GPR180: variants seen among roughly 807,000 people sequenced by gnomAD.
The protein encoded by GPR180 is integral membrane protein GPR180.
A neutral mutation model predicts 52.6 loss-of-function variants in GPR180; 53 were observed. The ratio of observed to expected loss-of-function variants is 1.01; its 90% CI spans 0.81 to 1.27. The LOEUF (loss-of-function observed/expected upper bound fraction) is 1.27. Among genes scored for constraint, GPR180 ranks in the 50% most tolerant of loss-of-function variants. GPR180 has a pLI of 0.00. For missense variants in GPR180, 533 were observed against 527.0 expected, an observed-to-expected ratio of 1.01 and a Z score of -0.11; for synonymous variants, 200 against 193.1, an observed-to-expected ratio of 1.04 and a Z score of -0.30.
chr13:94,622,993 G>T, intron 6 of GPR180, 116 bp from the exon 7 acceptor site: 1 of 699,576 alleles, frequency 1.4e-6, no homozygotes, highest in East Asian at 2.7e-5. Context: ...CAACCTCTAT[G>T]GTCTGATAGG....
Position 94,601,945 on chromosome 13 carries a change from G to A in GPR180, c.18G>A (p.Leu6=), listed in dbSNP as rs767893750. The A allele has an allele frequency of 2.0e-6, 3 of 1,496,138 alleles. No individual in the cohort carries two copies. The highest frequency in any genetic ancestry group is 2.2e-5 in the Admixed American group (1 of 45,658). 92.7% of individuals were successfully genotyped at this position (1,496,138 alleles called of 1,614,324 possible). Residue 6 remains leucine (L), a synonymous_variant, in exon 1 of 9, where the codon CTG becomes CTA. Coordinates refer to ENST00000376958, the MANE Select transcript of GPR180 (RefSeq NM_180989.6). The part of the protein sequence containing the change: MGGLR[L]LAVALTCCWW... ...AGACGGGCATGGGGGGGCTGCGGCT[G>A]CTGGCTGTGGCCCTCACGTGCTGCT...
chr13:94,618,364 TA>T (rs1462416123), intron 3 of GPR180, among the ~76,000 whole-genome samples: 1 of 151,444 alleles, frequency 6.6e-6, no homozygotes, highest in Non-Finnish European at 1.5e-5. Context: ...GCCATTTGGT[TA>T]GGTGTTAGAC....
At position 94,601,871 on chromosome 13, in the gene GPR180, G is replaced by T. The variant is rs1889555646; in HGVS notation, c.-57G>T. 1.5e-6 allele frequency: 2 copies of T among 1,333,258 alleles called. No individual in the cohort carries two copies. Among genetic ancestry groups the T allele is most frequent in the African/African-American group, 3.1e-5 (2 of 65,116 alleles). 82.6% of individuals were successfully genotyped at this position (1,333,258 alleles called of 1,614,324 possible). A position where few individuals can be genotyped will look rare whatever the true frequency, so the allele number is the denominator to read the frequency against. ...CCGCCTCCCCCAGCTGCCGACGTGG[G>T]GCGGGCAGCCGCCGGCGGCTGGGAG... On this transcript the variant is annotated 5_prime_UTR_variant, in exon 1 of 9. Coordinates refer to ENST00000376958, the MANE Select transcript of GPR180 (RefSeq NM_180989.6).
At chr13:94,626,123 C>T (rs1271371823) in intron 8 of GPR180, 80 bp downstream of exon 8, 10 of 888,772 alleles carry the variant, frequency 1.1e-5, no homozygotes, top group Middle Eastern at 2.8e-4. Context: ...TAGGAGGGAC[C>T]TATTTATTTT....
At chr13:94,624,266 G>A (rs988168899) in intron 7 of GPR180, among the ~76,000 whole-genome samples, 6 of 129,222 alleles carry the variant, frequency 4.6e-5, no homozygotes, top group South Asian at 2.2e-4. Context: ...TTAGCCCTGC[G>A]AACCAGCATT....
intron 3 of GPR180, among the ~76,000 whole-genome samples, chr13:94,615,518 A>G (rs994364991): frequency 6.6e-6 from 1 of 152,222 alleles, no homozygotes; most frequent in Admixed American, 6.5e-5. Context: ...TTAATCCTCT[A>G]TTTTACAGAG....
At chr13:94,608,069 C>CT (rs1410996679) in intron 2 of GPR180, among the ~76,000 whole-genome samples, 1 of 152,162 alleles carries the variant, frequency 6.6e-6, no homozygotes, top group Non-Finnish European at 1.5e-5. Flanking sequence ...TATTTATATA[C>CT]TTTATACACT....
chr13:94,633,246 T>C lies in GPR180; in HGVS notation c.*6075T>C. ...AGTTTCTGAAGTGAGGGCAGTCATA[T>C]GGAGGACTGGGCCCTTAATCTGTGA... On this transcript the variant is annotated 3_prime_UTR_variant, in exon 9 of 9. Transcript: ENST00000376958. 6.6e-6 allele frequency: 1 copy of C among 152,180 alleles called. No individual in the cohort carries two copies. The highest frequency in any genetic ancestry group is 1.9e-4 in the East Asian group (1 of 5,170). 9.4% of individuals were successfully genotyped at this position (152,180 alleles called of 1,614,324 possible).
intron 3 of GPR180, among the ~76,000 whole-genome samples, chr13:94,614,752 A>C (rs1889755078): frequency 6.6e-6 from 1 of 152,168 alleles, no homozygotes; most frequent in Admixed American, 6.5e-5. Flanking sequence ...TCTTTCTTAT[A>C]CTACAATGGG....
At position 94,632,981 on chromosome 13, in the gene GPR180, CT is replaced by C. The variant is rs1221895080; in HGVS notation, c.*5811del. The stretch of plus-strand genomic sequence containing the variant: ...TGTGTTCTAGGAGGGTGACATGTCC[CT>C]GAGGGCACAGAAACTTTGTGTTTGG... On this transcript the variant is annotated 3_prime_UTR_variant, in exon 9 of 9. Coordinates refer to ENST00000376958, the MANE Select transcript of GPR180 (RefSeq NM_180989.6). The C allele has an allele frequency of 3.2e-4, 49 of 152,178 alleles. No individual in the cohort carries two copies. The highest frequency in any genetic ancestry group is 1.0e-3 in the African/African-American group (43 of 41,420). The allele number at this position is 152,178 out of a possible 1,614,324, so 9.4% of individuals were successfully genotyped here. A position where few individuals can be genotyped will look rare whatever the true frequency, so the allele number is the denominator to read the frequency against.
Position 94,620,849 on chromosome 13 carries a change from T to C in GPR180, c.737-229T>C, listed in dbSNP as rs570431123. Among the ~76,000 whole-genome samples the C allele has an allele frequency of 5.9e-5, 9 of 152,312 alleles. No individual in the cohort carries two copies. The South Asian group carries it at 1.9e-3, about 32-fold the overall frequency. Reference sequence around the variant, plus strand: ...CATATATATGTATTTTTAAATAGTATTGCTGCTGTTTTAACTATTTTAATA... The same window carrying C: ...CATATATATGTATTTTTAAATAGTACTGCTGCTGTTTTAACTATTTTAATA... On this transcript the variant is annotated intron_variant, in intron 5 of 8. Coordinates refer to ENST00000376958, the MANE Select transcript of GPR180 (RefSeq NM_180989.6).
In GPR180 at chr13:94,625,977, G is replaced by A; in HGVS notation, c.1098G>A (p.Leu366=). 1 of 1,611,372 alleles carries A rather than the reference G, an allele frequency of 6.2e-7. No individual in the cohort carries two copies. Among genetic ancestry groups the A allele is most frequent in the Non-Finnish European group, 8.5e-7 (1 of 1,178,286 alleles). Residue 366 remains leucine (L), a synonymous_variant, in exon 8 of 9, where the codon TTG becomes TTA. Coordinates refer to ENST00000376958, the MANE Select transcript of GPR180 (RefSeq NM_180989.6). ...FYITFAKGCI[L]WFLCHPVLAC... is the part of the protein sequence containing the mutation. ...TTCCTTTGTTTCAGGGCTGTATCTT[G>A]TGGTTTTTATGCCATCCAGTTCTTG...
chr13:94,605,149 C>T (rs781296332), intron 1 of GPR180, among the ~76,000 whole-genome samples: 2 of 152,028 alleles, frequency 1.3e-5, no homozygotes, highest in Non-Finnish European at 2.9e-5. Context: ...CCAGATATTG[C>T]GGTTTATTGA....
At chr13:94,609,314 C>T (rs1180779025) in intron 2 of GPR180, among the ~76,000 whole-genome samples, 3 of 152,112 alleles carry the variant, frequency 2.0e-5, no homozygotes, top group African/African-American at 4.8e-5. Context: ...CTAATTACAC[C>T]AGCATAGAAT....
chr13:94,602,352 C>T (rs1046726355), intron 1 of GPR180, among the ~76,000 whole-genome samples: 5 of 152,358 alleles, frequency 3.3e-5, no homozygotes, highest in South Asian at 2.1e-4. Flanking sequence ...CAACCCTCCC[C>T]TTGGAAGCCA....
At position 94,630,798 on chromosome 13, in the gene GPR180, C is replaced by G. The variant is rs529531035; in HGVS notation, c.*3627C>G. 2.2e-4 allele frequency: 34 copies of G among 152,376 alleles called. No homozygotes were observed. In the South Asian group the frequency reaches 6.2e-3, roughly 28 times the overall value. The allele number at this position is 152,376 out of a possible 1,614,324, so 9.4% of individuals were successfully genotyped here. A position where few individuals can be genotyped will look rare whatever the true frequency, so the allele number is the denominator to read the frequency against. On this transcript the variant is annotated 3_prime_UTR_variant, in exon 9 of 9. Transcript: ENST00000376958. ...CAGCTGAGATGTCTTTTAGAGAACT[C>G]ACCATCTGTGGTGGATTTATATGGT...
chr13:94,624,657 A>T (rs1889900059), intron 7 of GPR180, among the ~76,000 whole-genome samples: 1 of 152,024 alleles, frequency 6.6e-6, no homozygotes, highest in Non-Finnish European at 1.5e-5. Context: ...TTCCGGGTTC[A>T]TGCCATTCTC....
At chr13:94,625,907 G>T in intron 7 of GPR180, 59 bp from the exon 8 acceptor site, 1 of 1,296,948 alleles carries the variant, frequency 7.7e-7, no homozygotes, top group Non-Finnish European at 1.1e-6. Flanking sequence ...TTTTTTGTCT[G>T]GTACATGCTG....
chr13:94,611,536 G>A (rs890780341), intron 2 of GPR180, among the ~76,000 whole-genome samples: 26 of 151,838 alleles, frequency 1.7e-4, no homozygotes, highest in African/African-American at 5.8e-4. Context: ...TGAAAATATC[G>A]AAAATCAAAA....
Sources: gnomAD v4.1 joint callset for allele counts (sites outside exome capture counted in the v4.1 genomes callset) on GRCh38, gnomAD v4.1.1 for gene constraint, MANE v1.5 for transcripts, NCBI Gene and HGNC (gene_info 2026-07-23, HGNC 2026-07-21) for gene names.